The following HYCC1 variants were observed in gnomAD, a reference collection of about 807,000 sequenced individuals.
The protein encoded by HYCC1 is hyccin.
the HYCC1 span, among the ~76,000 whole-genome samples, chr7:22,910,563 C>G: frequency 2.0e-4 from 31 of 152,192 alleles, no homozygotes; most frequent in Admixed American, 1.4e-3. Flanking sequence ...CATAAAGAAA[C>G]CATTTCTTTT....
chr7:22,980,784 G>T, the HYCC1 span, among the ~76,000 whole-genome samples: 1 of 152,104 alleles, frequency 6.6e-6, no homozygotes, highest in African/African-American at 2.4e-5. Flanking sequence ...AGAACTCCAA[G>T]GAGACTTTAT....
At chr7:23,006,613 C>T in the HYCC1 span, among the ~76,000 whole-genome samples, 2 of 152,108 alleles carry the variant, frequency 1.3e-5, no homozygotes, top group African/African-American at 4.8e-5. Context: ...AATTTCCAAG[C>T]CTATACATCA....
the HYCC1 span, among the ~76,000 whole-genome samples, chr7:22,915,529 A>C: frequency 6.6e-6 from 1 of 152,080 alleles, no homozygotes; most frequent in African/African-American, 2.4e-5. Context: ...AATCCCTGGA[A>C]CTCTGGCCCA....
the HYCC1 span, among the ~76,000 whole-genome samples, chr7:22,919,774 A>C: frequency 6.6e-6 from 1 of 152,114 alleles, no homozygotes; most frequent in African/African-American, 2.4e-5. Context: ...AGAAAAACAG[A>C]ATGAAGAAAA....
chr7:22,952,691 G>A, the HYCC1 span, among the ~76,000 whole-genome samples: 3 of 151,800 alleles, frequency 2.0e-5, no homozygotes, highest in East Asian at 1.9e-4. Context: ...AGTCACATTC[G>A]CGTAACACAA....
chr7:22,907,104 CAAAAAAAAAAAAAAAAAA>C, the HYCC1 span, among the ~76,000 whole-genome samples: 1 of 43,540 alleles, frequency 2.3e-5, no homozygotes, highest in Non-Finnish European at 4.1e-5. Context: ...GACTCTATCT[CAAAAAAAAAAAAAAAAAA>C]AAAAAAAAAG....
the HYCC1 span, among the ~76,000 whole-genome samples, chr7:22,970,108 A>G: frequency 2.9e-5 from 4 of 138,052 alleles, no homozygotes; most frequent in Non-Finnish European, 6.5e-5. Context: ...TCAAATACCA[A>G]CACACATGAA....
At chr7:22,915,540 A>G in the HYCC1 span, among the ~76,000 whole-genome samples, 3 of 152,212 alleles carry the variant, frequency 2.0e-5, no homozygotes, top group African/African-American at 4.8e-5. Flanking sequence ...CTCTGGCCCA[A>G]GGCTCTCTGA....
chr7:22,934,044 G>C, the HYCC1 span, among the ~76,000 whole-genome samples: 8 of 152,066 alleles, frequency 5.3e-5, no homozygotes, highest in African/African-American at 1.9e-4. Context: ...TGATTCTCCT[G>C]TTTGTATCTC....
At chr7:22,985,619 A>C in the HYCC1 span, 247 of 152,232 alleles carry the variant, frequency 1.6e-3, no homozygotes, top group African/African-American at 5.6e-3. Context: ...AAAAGGTTTT[A>C]CTGCAACTGC....
chr7:22,945,656 A>C, the HYCC1 span: 1 of 1,613,784 alleles, frequency 6.2e-7, no homozygotes, highest in Non-Finnish European at 8.5e-7. Context: ...CTTCATTGGA[A>C]GTTCAGTTCT....
the HYCC1 span, among the ~76,000 whole-genome samples, chr7:22,978,988 A>G: frequency 1.3e-5 from 2 of 152,226 alleles, no homozygotes; most frequent in Non-Finnish European, 2.9e-5. Context: ...ATAGGTAAGT[A>G]TTCTCTTAAA....
At chr7:22,947,620 A>G in the HYCC1 span, among the ~76,000 whole-genome samples, 1 of 152,072 alleles carries the variant, frequency 6.6e-6, no homozygotes, top group South Asian at 2.1e-4. Context: ...TAATATGGTG[A>G]CCACCTGAAT....
At chr7:23,008,877 T>C in the HYCC1 span, among the ~76,000 whole-genome samples, 1 of 151,930 alleles carries the variant, frequency 6.6e-6, no homozygotes, top group Non-Finnish European at 1.5e-5. Context: ...TTAAAAACTG[T>C]GAAATTAATA....
chr7:22,980,338 A>G, the HYCC1 span, among the ~76,000 whole-genome samples: 1 of 151,526 alleles, frequency 6.6e-6, no homozygotes, highest in Non-Finnish European at 1.5e-5. Flanking sequence ...TTATTAAGAG[A>G]GACTGTACCT....
At chr7:22,999,741 G>A in the HYCC1 span, among the ~76,000 whole-genome samples, 1 of 152,154 alleles carries the variant, frequency 6.6e-6, no homozygotes, top group African/African-American at 2.4e-5. Flanking sequence ...ATTGCCTGCT[G>A]AGTATAATGC....
the HYCC1 span, among the ~76,000 whole-genome samples, chr7:22,966,762 C>T: frequency 8.5e-5 from 13 of 152,050 alleles, no homozygotes; most frequent in Non-Finnish European, 1.5e-4. Context: ...AAATATTCCC[C>T]AAGAATGTCA....
At chr7:22,995,566 C>A in the HYCC1 span, among the ~76,000 whole-genome samples, 22 of 152,098 alleles carry the variant, frequency 1.4e-4, no homozygotes, top group Non-Finnish European at 2.6e-4. Flanking sequence ...ATGGCCAAAG[C>A]TGGAACAATC....
At chr7:22,915,096 C>G in the HYCC1 span, among the ~76,000 whole-genome samples, 2 of 152,164 alleles carry the variant, frequency 1.3e-5, no homozygotes, top group African/African-American at 4.8e-5. Flanking sequence ...AGACGCTTTA[C>G]CACCCCAGAC....
Sources: gnomAD v4.1 joint callset for allele counts (sites outside exome capture counted in the v4.1 genomes callset) on GRCh38, gnomAD v4.1.1 for gene constraint, MANE v1.5 for transcripts, NCBI Gene and HGNC (gene_info 2026-07-23, HGNC 2026-07-21) for gene names.